Variants in DFFA observed in about 807,000 individuals in gnomAD.
DFFA encodes DFF45.
In DFFA, 14 loss-of-function variants were observed where a neutral mutation model predicts 28.0. The ratio of observed to expected loss-of-function variants is 0.50; its 90% CI spans 0.33 to 0.78. The LOEUF (loss-of-function observed/expected upper bound fraction) is 0.78. Ranked by LOEUF, DFFA falls within the 30% of genes least tolerant of loss-of-function variation. The probability of loss-of-function intolerance (pLI) is 0.02; values close to 1 mark genes in which losing one functional copy is unlikely to be tolerated. For synonymous variants in DFFA, 158 were observed against 170.3 expected (o/e 0.93, Z 0.56); for missense variants, 395 against 407.1 (o/e 0.97, Z 0.26).
intron 5 of DFFA, 184 bp from the exon 6 acceptor site, chr1:10,461,886 GCT>G: frequency 7.1e-6 from 7 of 981,814 alleles, no homozygotes; most frequent in Non-Finnish European, 8.5e-6. Context: ...ACGGAGTCTC[GCT>G]CTGTCACCCA....
Position 10,467,202 on chromosome 1 carries a change from CTCTGATAGGAGG to C in DFFA, c.417_428del (p.Ile139_Glu143delinsMet). The C allele has an allele frequency of 6.2e-7, 1 of 1,614,148 alleles. No individual in the cohort carries two copies. On this transcript the variant is annotated inframe_deletion, in exon 3 of 6. Coordinates refer to ENST00000377038, the MANE Select transcript of DFFA (RefSeq NM_004401.3). ...GAGGAGGCTTTACCTGGAGGTCCTC[CTCTGATAGGAGG>C]ATGATGCTGGACAGATCTTCTTTCA...
At position 10,461,245 on chromosome 1, in the gene DFFA, T is replaced by G; in HGVS notation, c.*245A>C. ...TTACTTTTGAACAGAGAACATCATA[T>G]GTAATTAGAGGAGGCGGGATATTGT... is the stretch of plus-strand genomic sequence containing the variant. On this transcript the variant is annotated 3_prime_UTR_variant, in exon 6 of 6. Coordinates refer to ENST00000377038, the MANE Select transcript of DFFA (RefSeq NM_004401.3). 3 of 509,832 alleles carry G rather than the reference T, an allele frequency of 5.9e-6. No individual in the cohort carries two copies. Among genetic ancestry groups the G allele is most frequent in the Non-Finnish European group, 6.9e-6 (2 of 288,512 alleles). The allele number at this position is 509,832 out of a possible 1,614,324, so 31.6% of individuals were successfully genotyped here.
chr1:10,472,300 C>G lies in DFFA; in HGVS notation c.136+23G>C. The G allele has an allele frequency of 1.3e-6, 2 of 1,563,414 alleles. No homozygotes were observed. Among genetic ancestry groups the G allele is most frequent in the Non-Finnish European group, 1.7e-6 (2 of 1,149,156 alleles). On this transcript the variant is annotated intron_variant, in intron 1 of 5. Coordinates refer to ENST00000377038, the MANE Select transcript of DFFA (RefSeq NM_004401.3). This position sits in a 1 kb window ranked among gnomAD's most constrained non-coding sequence, Gnocchi z 5.0. ...CACCCGGCCCTGGCTCCCCCACACC[C>G]TCGCCCGGGGTCCCGAGCCAACCCT...
intron 1 of DFFA, among the ~76,000 whole-genome samples, chr1:10,471,389 G>C (rs1275226093): frequency 6.6e-6 from 1 of 152,136 alleles, no homozygotes; most frequent in African/African-American, 2.4e-5. Context: ...TCTGTGCCAC[G>C]CACATCCAGC....
rs1265780019 is a variant in DFFA, at chr1:10,469,463, C to T, written c.137-125G>A. ...TCCTGGTAGGTAATAACTAGAATCA[C>T]AATCATCACTTCTAGCACTACCAGA... is the stretch of plus-strand genomic sequence containing the variant. On this transcript the variant is annotated intron_variant, in intron 1 of 5. Coordinates refer to ENST00000377038, the MANE Select transcript of DFFA (RefSeq NM_004401.3). 10 of 749,690 alleles carry T rather than the reference C, an allele frequency of 1.3e-5. No homozygotes were observed. The Admixed American group carries it at 2.2e-4, about 16-fold the overall frequency. 46.4% of individuals were successfully genotyped at this position (749,690 alleles called of 1,614,324 possible).
intron 5 of DFFA, chr1:10,461,999 T>C (rs1169226407): frequency 2.2e-5 from 7 of 313,516 alleles, no homozygotes; most frequent in East Asian, 1.7e-4. Context: ...GGACTACAGG[T>C]GCCCACGACC....
Position 10,470,615 on chromosome 1 carries a change from C to T in DFFA, c.137-1277G>A, listed in dbSNP as rs1458307502. ...AATTTTTTTGTATTTTTAGTAGAGA[C>T]GGGGTTTCACCGTGTTAGCCAGGAT... On this transcript the variant is annotated intron_variant, in intron 1 of 5. Transcript: ENST00000377038. Among the ~76,000 whole-genome samples, 8 of 149,886 alleles carry T rather than the reference C, an allele frequency of 5.3e-5. No homozygotes were observed. In the South Asian group the frequency reaches 1.5e-3, roughly 28 times the overall value.
At chr1:10,466,065 T>C (rs926188255) in intron 3 of DFFA, among the ~76,000 whole-genome samples, 37 of 152,096 alleles carry the variant, frequency 2.4e-4, no homozygotes, top group African/African-American at 6.5e-4. Context: ...GGAGGATGGC[T>C]TGAGCCCAGG....
chr1:10,463,130 C>T lies in DFFA; in HGVS notation c.711G>A (p.Leu237=). The change falls in exon 5 of 6, where the codon CTG becomes CTA. Residue 237 remains leucine, a synonymous_variant. Coordinates refer to ENST00000377038, the MANE Select transcript of DFFA (RefSeq NM_004401.3). The part of the protein sequence containing the change: ...ISRETSSDVA[L]ASHILTALRE... Reference sequence around the variant, plus strand: ...TCAGTGCAGTAAGGATGTGGCTCGCCAGCGCAACGTCCGAGGAGGTCTCTC... The same window carrying T: ...TCAGTGCAGTAAGGATGTGGCTCGCTAGCGCAACGTCCGAGGAGGTCTCTC... 2 of 1,614,182 alleles carry T rather than the reference C, an allele frequency of 1.2e-6. No homozygotes were observed. Among genetic ancestry groups the T allele is most frequent in the Non-Finnish European group, 1.7e-6 (2 of 1,180,042 alleles).
chr1:10,457,274 A>C lies in DFFA; in HGVS notation c.*4216T>G, dbSNP rs1195105823. ...TTCTGCCTTAGCCTCCCGAGTATCT[A>C]GGATTACAGGCATGTACCACTACAC... is the stretch of plus-strand genomic sequence containing the variant. On this transcript the variant is annotated 3_prime_UTR_variant, in exon 6 of 6. Coordinates refer to ENST00000377038, the MANE Select transcript of DFFA (RefSeq NM_004401.3). The C allele has an allele frequency of 1.3e-5, 2 of 152,192 alleles. No homozygotes were observed. The highest frequency in any genetic ancestry group is 2.9e-5 in the Non-Finnish European group (2 of 68,088). The allele number at this position is 152,192 out of a possible 1,614,324, so 9.4% of individuals were successfully genotyped here. A position where few individuals can be genotyped will look rare whatever the true frequency, so the allele number is the denominator to read the frequency against.
At chr1:10,467,874 C>T (rs1300081718) in intron 2 of DFFA, among the ~76,000 whole-genome samples, 2 of 152,184 alleles carry the variant, frequency 1.3e-5, no homozygotes, top group East Asian at 3.8e-4. Context: ...GCCATTTAAA[C>T]CCAATGTGTG....
intron 1 of DFFA, among the ~76,000 whole-genome samples, chr1:10,469,665 C>T (rs1257323793): frequency 2.0e-5 from 3 of 152,038 alleles, no homozygotes; most frequent in Admixed American, 6.6e-5. Context: ...GGATTATAGG[C>T]GTGCACCACC....
chr1:10,465,364 CAAGT>C (rs1018136475), intron 3 of DFFA, among the ~76,000 whole-genome samples: 3 of 152,136 alleles, frequency 2.0e-5, no homozygotes, highest in Admixed American at 2.0e-4. Context: ...CCTCCCAGGT[CAAGT>C]GATTCTCCTG....
chr1:10,461,589 C>A lies in DFFA; in HGVS notation c.897G>T (p.Gln299His). 1 of 1,614,266 alleles carries A rather than the reference C, an allele frequency of 6.2e-7. No homozygotes were observed. The highest frequency in any genetic ancestry group is 8.5e-7 in the Non-Finnish European group (1 of 1,180,054). The change falls in exon 6 of 6, where the codon CAG becomes CAT. Residue 299 changes from glutamine to histidine, a missense_variant. Physicochemically the swap from Gln to His is conservative, Grantham distance 24. Transcript: ENST00000377038. ...TCCGGAGAGAATGCAAGCTCTGCGT[C>A]TGCTGCAGGCGCAGGGCGAGCTCCC... ...CERELALRLQQTQSLHSLRSI... is the reference protein window; with the variant it reads ...CERELALRLQHTQSLHSLRSI...
chr1:10,462,149 C>A (rs556284665), intron 5 of DFFA, among the ~76,000 whole-genome samples: 1 of 151,976 alleles, frequency 6.6e-6, no homozygotes, highest in African/African-American at 2.4e-5. Context: ...TGAGCCACCG[C>A]GCCCAGCCTG....
intron 2 of DFFA, among the ~76,000 whole-genome samples, chr1:10,467,630 C>G (rs906623640): frequency 6.6e-6 from 1 of 152,032 alleles, no homozygotes; most frequent in Admixed American, 6.6e-5. Context: ...CCTGCCTCAG[C>G]CTTGCAAGTA....
intron 1 of DFFA, among the ~76,000 whole-genome samples, chr1:10,471,955 C>T (rs1641104312): frequency 6.6e-6 from 1 of 152,132 alleles, no homozygotes; most frequent in Admixed American, 6.6e-5. Context: ...AACCCCTCCC[C>T]ACACCGCCGT....
At chr1:10,462,109 T>C (rs188602952) in intron 5 of DFFA, among the ~76,000 whole-genome samples, 8,178 of 152,136 alleles carry the variant, frequency 0.054, 283 homozygotes, top group Middle Eastern at 0.078. Context: ...CCGCCCACCT[T>C]GGCCTCCCAA....
chr1:10,463,228 A>G lies in DFFA; in HGVS notation c.632-19T>C. 1 of 1,611,444 alleles carries G rather than the reference A, an allele frequency of 6.2e-7. No individual in the cohort carries two copies. Among genetic ancestry groups the G allele is most frequent in the Non-Finnish European group, 8.5e-7 (1 of 1,178,010 alleles). On this transcript the variant is annotated intron_variant, in intron 4 of 5. Transcript: ENST00000377038. The stretch of plus-strand genomic sequence containing the variant: ...TTGGACTCTGCAAAGGAGACACGAG[A>G]CAGAGATCAGACGTGGTGTGACCAC...
Sources: allele counts gnomAD v4.1 joint callset (sites outside exome capture counted in the v4.1 genomes callset), GRCh38; gene constraint gnomAD v4.1.1; non-coding constraint Gnocchi (gnomAD v3.1); transcripts MANE v1.5; gene names NCBI Gene and HGNC (gene_info 2026-07-23, HGNC 2026-07-21).